NOVA2: variants seen among roughly 807,000 people sequenced by gnomAD.
NOVA2 encodes the protein NOVA alternative splicing regulator 2.
NOVA2 carries 9 observed loss-of-function variants against 22.5 expected under a neutral mutation model. That is an observed-to-expected ratio of 0.40 (90% CI 0.24 to 0.70). The LOEUF is 0.70. Among genes scored for constraint, NOVA2 ranks in the 30% least tolerant of loss-of-function variants. NOVA2 has a pLI of 0.38. For synonymous variants in NOVA2, 318 were observed against 335.2 expected, an observed-to-expected ratio of 0.95 and a Z score of 0.56; for missense variants, 383 against 682.8, an observed-to-expected ratio of 0.56 and a Z score of 4.89.
intron 1 of NOVA2, among the ~76,000 whole-genome samples, chr19:45,965,063 C>T (rs1396937375): frequency 6.6e-6 from 1 of 152,112 alleles, no homozygotes; most frequent in Non-Finnish European, 1.5e-5. Flanking sequence ...TGGTGCCTTC[C>T]TACCAATCAT....
At chr19:45,952,174 T>A (rs1262124001) in intron 3 of NOVA2, among the ~76,000 whole-genome samples, 3 of 152,184 alleles carry the variant, frequency 2.0e-5, no homozygotes, top group Non-Finnish European at 4.4e-5. Flanking sequence ...AAAAATCCCA[T>A]AATAACAACA....
chr19:45,960,096 G>A (rs972213994), intron 2 of NOVA2, among the ~76,000 whole-genome samples: 12 of 151,388 alleles, frequency 7.9e-5, no homozygotes, highest in Non-Finnish European at 4.4e-5. Flanking sequence ...GGTTGGGGGA[G>A]AAGGATGGAG....
chr19:45,941,063 G>T, intron 3 of NOVA2, 118 bp from the exon 4 acceptor site: 2 of 953,796 alleles, frequency 2.1e-6, no homozygotes, highest in Non-Finnish European at 3.0e-6. Context: ...GCTGAGGCAG[G>T]CAGATTACTT....
chr19:45,968,694 C>G lies in NOVA2; in HGVS notation c.85+4573G>C, dbSNP rs116318000. Among the ~76,000 whole-genome samples the G allele has an allele frequency of 3.1e-3, 475 of 152,182 alleles. 4 individuals are homozygous for G. Among genetic ancestry groups the G allele is most frequent in the African/African-American group, 0.011 (458 of 41,492 alleles). On this transcript the variant is annotated intron_variant, in intron 1 of 3. Transcript: ENST00000263257. ...ATGCAATCTCATCTAATGCACAAAA[C>G]CCAGAGAGGTAGATCTTCCTGCCTC...
chr19:45,968,196 C>A (rs967813764), intron 1 of NOVA2, among the ~76,000 whole-genome samples: 1 of 151,960 alleles, frequency 6.6e-6, no homozygotes, highest in Non-Finnish European at 1.5e-5. Flanking sequence ...GTCCTCATGG[C>A]ACCTCATGGT....
chr19:45,939,698 C>T lies in NOVA2; in HGVS notation c.*165G>A. On this transcript the variant is annotated 3_prime_UTR_variant, in exon 4 of 4. Coordinates refer to ENST00000263257, the MANE Select transcript of NOVA2 (RefSeq NM_002516.4). ...GCCCCCTTCCCAACCGTCACTCAAT[C>T]CTGCCTATGACTACCAGAAGGGGAG... 1.2e-6 allele frequency: 1 copy of T among 852,102 alleles called. No homozygotes were observed. Among genetic ancestry groups the T allele is most frequent in the Non-Finnish European group, 1.8e-6 (1 of 564,960 alleles). 52.8% of individuals were successfully genotyped at this position (852,102 alleles called of 1,614,324 possible). A position where few individuals can be genotyped will look rare whatever the true frequency, so the allele number is the denominator to read the frequency against.
chr19:45,950,160 CATT>C (rs1257595365), intron 3 of NOVA2, among the ~76,000 whole-genome samples: 2 of 145,570 alleles, frequency 1.4e-5, no homozygotes, highest in Non-Finnish European at 3.0e-5. Context: ...TTATTGGAAA[CATT>C]CTTTTTTTTT....
intron 2 of NOVA2, among the ~76,000 whole-genome samples, chr19:45,956,732 A>G (rs1050530316): frequency 6.6e-6 from 1 of 152,262 alleles, no homozygotes; most frequent in Non-Finnish European, 1.5e-5. Context: ...CTGGGATTAC[A>G]GATGTGAGCC....
intron 2 of NOVA2, among the ~76,000 whole-genome samples, chr19:45,960,343 G>A (rs1968076289): frequency 6.6e-6 from 1 of 151,652 alleles, no homozygotes; most frequent in South Asian, 2.1e-4. Flanking sequence ...GAGGTGGAGG[G>A]AAGGAAAGGA....
chr19:45,950,111 C>T (rs1967901398), intron 3 of NOVA2, among the ~76,000 whole-genome samples: 1 of 151,584 alleles, frequency 6.6e-6, no homozygotes, highest in East Asian at 1.9e-4. Flanking sequence ...TTACCTTTCT[C>T]ATCTCCAGTA....
intron 2 of NOVA2, among the ~76,000 whole-genome samples, chr19:45,960,315 A>G (rs1379463803): frequency 6.6e-6 from 1 of 151,620 alleles, no homozygotes; most frequent in Non-Finnish European, 1.5e-5. Context: ...GGAGGAAAGG[A>G]AAAACGTGAG....
intron 1 of NOVA2, among the ~76,000 whole-genome samples, chr19:45,964,179 CTTT>C (rs10555207): frequency 9.5e-4 from 102 of 106,932 alleles, no homozygotes; most frequent in Middle Eastern, 0.01. Flanking sequence ...TTTTCTTTTT[CTTT>C]TTTTTTTTTT....
intron 3 of NOVA2, among the ~76,000 whole-genome samples, chr19:45,946,892 T>C (rs1166249705): frequency 2.2e-5 from 3 of 135,752 alleles, no homozygotes; most frequent in African/African-American, 5.5e-5. Flanking sequence ...AAAAAAAAAA[T>C]CACAACAAAA....
intron 1 of NOVA2, among the ~76,000 whole-genome samples, chr19:45,964,022 C>G (rs1475173021): frequency 6.6e-6 from 1 of 152,086 alleles, no homozygotes; most frequent in Non-Finnish European, 1.5e-5. Context: ...GTCCCCAAAA[C>G]TTGAACAGCA....
At chr19:45,955,956 G>T (rs1410370753) in intron 2 of NOVA2, among the ~76,000 whole-genome samples, 1 of 152,190 alleles carries the variant, frequency 6.6e-6, no homozygotes, top group Non-Finnish European at 1.5e-5. Context: ...CCTGGGGTGT[G>T]TGTCAGTGTC....
In NOVA2 at chr19:45,939,010, G is replaced by C. The variant is rs971855495; in HGVS notation, c.*853C>G. ...AACTGCTTCCTGTGACATCATAAGG[G>C]GTGCCCAGAAGCACCCCAGAAAGTA... On this transcript the variant is annotated 3_prime_UTR_variant, in exon 4 of 4. Transcript: ENST00000263257. 1 of 152,178 alleles carries C rather than the reference G, an allele frequency of 6.6e-6. No individual in the cohort carries two copies. Among genetic ancestry groups the C allele is most frequent in the Non-Finnish European group, 1.5e-5 (1 of 68,040 alleles). The allele number at this position is 152,178 out of a possible 1,614,324, so 9.4% of individuals were successfully genotyped here.
intron 2 of NOVA2, among the ~76,000 whole-genome samples, chr19:45,956,786 T>A (rs537676471): frequency 3.9e-5 from 6 of 152,362 alleles, no homozygotes; most frequent in Admixed American, 3.3e-4. Context: ...GTTCACTTAA[T>A]ATATGAAGTA....
In NOVA2 at chr19:45,964,035, T is replaced by C. The variant is rs1220768060; in HGVS notation, c.86-2882A>G. ...GTGTCCCCAAAACTTGAACAGCACA[T>C]ACTAGGTTTGCAATAAGCACTGGGA... On this transcript the variant is annotated intron_variant, in intron 1 of 3. Transcript: ENST00000263257. 2.6e-5 allele frequency among the ~76,000 whole-genome samples: 4 copies of C among 151,994 alleles called. No individual in the cohort carries two copies. In the East Asian group the frequency reaches 5.8e-4, roughly 22 times the overall value.
At chr19:45,965,499 C>T (rs987134103) in intron 1 of NOVA2, among the ~76,000 whole-genome samples, 54 of 152,208 alleles carry the variant, frequency 3.5e-4, no homozygotes, top group African/African-American at 1.2e-3. Context: ...GAGGCCAAGG[C>T]GGGTGGATCA....
Sources: gnomAD v4.1 joint callset for allele counts (sites outside exome capture counted in the v4.1 genomes callset) on GRCh38, gnomAD v4.1.1 for gene constraint, MANE v1.5 for transcripts, NCBI Gene and HGNC (gene_info 2026-07-23, HGNC 2026-07-21) for gene names.